The following DNAJC10 variants were observed in gnomAD, a reference collection of about 807,000 sequenced individuals.
DNAJC10 encodes the protein DnaJ heat shock protein family (Hsp40) member C10, also known as endoplasmic reticulum disulfide reductase DNAJC10.
Under a neutral mutation model 115.0 loss-of-function variants are expected in DNAJC10, and 101 were observed. The observed-to-expected ratio is 0.88, with a 90% CI of 0.75 to 1.04. The LOEUF (loss-of-function observed/expected upper bound fraction) is 1.04. Ranked by LOEUF, DNAJC10 falls within the 50% of genes least tolerant of loss-of-function variation. The pLI, the probability that DNAJC10 is intolerant of heterozygous loss-of-function variation, is 0.00. For missense variants in DNAJC10, 981 were observed against 928.8 expected (o/e 1.06, Z -0.73); for synonymous variants, 307 against 301.5 (o/e 1.02, Z -0.19).
Position 182,743,658 on chromosome 2 carries a change from C to T in DNAJC10, c.1252C>T (p.Pro418Ser), listed in dbSNP as rs1368056960. 2 of 1,613,388 alleles carry T rather than the reference C, an allele frequency of 1.2e-6. No individual in the cohort carries two copies. Among genetic ancestry groups the T allele is most frequent in the African/African-American group, 2.7e-5 (2 of 74,862 alleles). ...CTGTAGTAATCTGTATGTTTTTCAG[C>T]CGTCTCTAGCAGTATTTAAAGGACA... ...DICSNLYVFQPSLAVFKGQGT... is the reference protein window; with the variant it reads ...DICSNLYVFQSSLAVFKGQGT... Residue 418 changes from proline to serine, a missense_variant, in exon 14 of 24, where the codon CCG (proline) becomes TCG (serine). By Grantham distance (74) the Pro-to-Ser change is moderately conservative (BLOSUM62 -1). Transcript: ENST00000264065.
intron 4 of DNAJC10, among the ~76,000 whole-genome samples, chr2:182,721,805 A>G (rs1243955469): frequency 6.6e-6 from 1 of 152,110 alleles, no homozygotes; most frequent in African/African-American, 2.4e-5. Context: ...ATACACATCT[A>G]TGAGAGTCCA....
rs1206889389 is a variant in DNAJC10 at position 182,777,301 on chromosome 2, CTT to C, written c.*173_*174del. On this transcript the variant is annotated 3_prime_UTR_variant, in exon 24 of 24. Transcript: ENST00000264065. ...CTGGTGTAAAAGAAGGGTCTGCAAA[CTT>C]TTTCTGTAAAGGGCCGGTTTATAAA... is the stretch of plus-strand genomic sequence containing the variant. The C allele has an allele frequency of 1.7e-4, 69 of 411,980 alleles. No individual in the cohort carries two copies. The East Asian group carries it at 2.6e-3, about 15-fold the overall frequency. The allele number at this position is 411,980 out of a possible 1,614,324, so 25.5% of individuals were successfully genotyped here.
chr2:182,725,140 A>T (rs1209433015), intron 5 of DNAJC10, among the ~76,000 whole-genome samples: 2 of 152,070 alleles, frequency 1.3e-5, no homozygotes, highest in Non-Finnish European at 1.5e-5. Flanking sequence ...TGATGTTACT[A>T]TTGTAATCAT....
In DNAJC10 at chr2:182,777,296, G is replaced by T. The variant is rs1010679024; in HGVS notation, c.*164G>T. On this transcript the variant is annotated 3_prime_UTR_variant, in exon 24 of 24. Coordinates refer to ENST00000264065, the MANE Select transcript of DNAJC10 (RefSeq NM_018981.4). ...CAGCACTGGTGTAAAAGAAGGGTCTGCAAACTTTTTCTGTAAAGGGCCGGT... is the reference window on the plus strand; with the variant it reads ...CAGCACTGGTGTAAAAGAAGGGTCTTCAAACTTTTTCTGTAAAGGGCCGGT... The T allele has an allele frequency of 2.4e-6, 1 of 424,192 alleles. No individual in the cohort carries two copies. The highest frequency in any genetic ancestry group is 2.1e-5 in the African/African-American group (1 of 48,762). 26.3% of individuals were successfully genotyped at this position (424,192 alleles called of 1,614,324 possible). A position where few individuals can be genotyped will look rare whatever the true frequency, so the allele number is the denominator to read the frequency against.
rs1693352595 is a variant in DNAJC10, at chr2:182,728,611, A to G, written c.454A>G (p.Asn152Asp). The change falls in exon 6 of 24, where the codon AAT becomes GAT. Residue 152 changes from asparagine (N) to aspartate (D), a missense_variant. Transcript: ENST00000264065. ...AVNSGELWFVNFYSPGCSHCH... is the reference protein window; with the variant it reads ...AVNSGELWFVDFYSPGCSHCH... ...TAATTCTGGAGAACTGTGGTTTGTAAATTTTTACTCCCCAGGCTGTTCACA... is the reference window on the plus strand; with the variant it reads ...TAATTCTGGAGAACTGTGGTTTGTAGATTTTTACTCCCCAGGCTGTTCACA... 6.2e-7 allele frequency: 1 copy of G among 1,612,544 alleles called. No individual in the cohort carries two copies. The highest frequency in any genetic ancestry group is 2.2e-5 in the East Asian group (1 of 44,780).
intron 22 of DNAJC10, among the ~76,000 whole-genome samples, chr2:182,765,313 CAG>C (rs1251248085): frequency 4.6e-5 from 7 of 152,044 alleles, no homozygotes; most frequent in East Asian, 1.9e-4. Flanking sequence ...AGGGGTAAGA[CAG>C]GGGCATCTAT....
rs761061408 is a variant in DNAJC10 at position 182,736,290 on chromosome 2, G to A, written c.891G>A (p.Gln297=). Residue 297 remains glutamine, a synonymous_variant, in exon 11 of 24, where the codon CAG becomes CAA. Transcript: ENST00000264065. ...TAGGATGGATGGACTGTGCCACCCA[G>A]GATAACCTTTGTAAAAGCTTAGATA... ...VNVGWMDCAT[Q]DNLCKSLDIT... is the part of the protein sequence containing the mutation. 4.3e-5 allele frequency: 69 copies of A among 1,593,130 alleles called. No individual in the cohort carries two copies. Among genetic ancestry groups the A allele is most frequent in the Middle Eastern group, 1.7e-4 (1 of 6,008 alleles).
chr2:182,722,167 C>CT lies in DNAJC10; in HGVS notation c.418+96dup, dbSNP rs1693167341. 2.3e-5 allele frequency: 22 copies of CT among 938,882 alleles called. No homozygotes were observed. The South Asian group carries it at 3.5e-4, about 15-fold the overall frequency. 58.2% of individuals were successfully genotyped at this position (938,882 alleles called of 1,614,324 possible). A position where few individuals can be genotyped will look rare whatever the true frequency, so the allele number is the denominator to read the frequency against. The stretch of plus-strand genomic sequence containing the variant: ...ATATATATGTTTGAAATTTAGAAAT[C>CT]TTTTGGAGTTTCGAACAGTAATAAT... On this transcript the variant is annotated intron_variant, in intron 5 of 23. Transcript: ENST00000264065.
At chr2:182,755,730 G>GAT (rs1694140976) in intron 17 of DNAJC10, among the ~76,000 whole-genome samples, 1 of 152,148 alleles carries the variant, frequency 6.6e-6, no homozygotes, top group African/African-American at 2.4e-5. Context: ...AGAAAAATGA[G>GAT]ATAGTAGGCT....
At chr2:182,758,794 A>T in intron 19 of DNAJC10, 43 bp from the exon 20 acceptor site, 2 of 1,362,602 alleles carry the variant, frequency 1.5e-6, no homozygotes, top group Non-Finnish European at 2.1e-6. Context: ...TACATCCAAT[A>T]ATAGAGAATC....
intron 21 of DNAJC10, among the ~76,000 whole-genome samples, chr2:182,762,328 C>A (rs1694306434): frequency 1.3e-5 from 2 of 151,864 alleles, no homozygotes; most frequent in African/African-American, 4.8e-5. Flanking sequence ...CAAAGAGTGC[C>A]CAAAGAGTCC....
chr2:182,731,748 A>G (rs1354180910), intron 9 of DNAJC10, among the ~76,000 whole-genome samples: 1 of 152,184 alleles, frequency 6.6e-6, no homozygotes, highest in Non-Finnish European at 1.5e-5. Context: ...TCATGCTGCT[A>G]TATTGAAAAG....
intron 5 of DNAJC10, among the ~76,000 whole-genome samples, chr2:182,725,812 A>G (rs1294932356): frequency 2.0e-5 from 3 of 152,204 alleles, no homozygotes; most frequent in Non-Finnish European, 4.4e-5. Flanking sequence ...AGGTGGCTAT[A>G]CTAAACAACA....
At chr2:182,754,679 T>C (rs1694111337) in intron 16 of DNAJC10, 50 of 862,772 alleles carry the variant, frequency 5.8e-5, no homozygotes, top group Non-Finnish European at 7.1e-5. Context: ...CTGTTGTTTA[T>C]AGCCTCTTCT....
At position 182,792,926 on chromosome 2, in the gene DNAJC10, G is replaced by A. The variant is rs1695078491; in HGVS notation, c.*15794G>A. 6.6e-6 allele frequency: 1 copy of A among 152,136 alleles called. No homozygotes were observed. Among genetic ancestry groups the A allele is most frequent in the South Asian group, 2.1e-4 (1 of 4,830 alleles). 9.4% of individuals were successfully genotyped at this position (152,136 alleles called of 1,614,324 possible). A position where few individuals can be genotyped will look rare whatever the true frequency, so the allele number is the denominator to read the frequency against. On this transcript the variant is annotated 3_prime_UTR_variant, in exon 24 of 24. Coordinates refer to ENST00000264065, the MANE Select transcript of DNAJC10 (RefSeq NM_018981.4). ...GATAGACAATAAACAATTAATATAA[G>A]CAAATGTTAAGTATGTTAGAAGTAT...
At chr2:182,717,903 T>C in intron 2 of DNAJC10, 38 bp from the exon 3 acceptor site, 1 of 477,144 alleles carries the variant, frequency 2.1e-6, no homozygotes, top group Non-Finnish European at 3.7e-6. Context: ...TATTGTTTAG[T>C]TCAAAATGTA....
rs1694976439 is a variant in DNAJC10 at position 182,787,826 on chromosome 2, TG to T, written c.*10697del. On this transcript the variant is annotated 3_prime_UTR_variant, in exon 24 of 24. Coordinates refer to ENST00000264065, the MANE Select transcript of DNAJC10 (RefSeq NM_018981.4). ...GTCCCAGCTACTTGGGAGGCTGAGG[TG>T]GGAGGACTGCTTGAGCCCAGGAGGT... 1 of 152,074 alleles carries T rather than the reference TG, an allele frequency of 6.6e-6. No individual in the cohort carries two copies. Among genetic ancestry groups the T allele is most frequent in the African/African-American group, 2.4e-5 (1 of 41,230 alleles). 9.4% of individuals were successfully genotyped at this position (152,074 alleles called of 1,614,324 possible).
At chr2:182,749,039 A>G (rs1041466745) in intron 14 of DNAJC10, among the ~76,000 whole-genome samples, 22 of 151,990 alleles carry the variant, frequency 1.4e-4, no homozygotes, top group Admixed American at 8.5e-4. Context: ...TATAATTTCT[A>G]TTCTTTTACA....
chr2:182,748,543 G>A (rs1693931073), intron 14 of DNAJC10, among the ~76,000 whole-genome samples: 2 of 152,090 alleles, frequency 1.3e-5, no homozygotes, highest in South Asian at 4.1e-4. Context: ...ATTCTCTGAT[G>A]GTAGTTTGTA....
Sources: allele counts gnomAD v4.1 joint callset (sites outside exome capture counted in the v4.1 genomes callset), GRCh38; gene constraint gnomAD v4.1.1; transcripts MANE v1.5; gene names NCBI Gene and HGNC (gene_info 2026-07-23, HGNC 2026-07-21).